Variants in WNT3 observed in about 807,000 individuals in gnomAD.
The protein encoded by WNT3 is proto-oncogene Wnt-3.
A neutral mutation model predicts 34.2 loss-of-function variants in WNT3; 7 were observed. The observed-to-expected ratio is 0.20, with a 90% CI of 0.12 to 0.38. WNT3 has a LOEUF of 0.38. WNT3 is among the 10% of genes least tolerant of loss of function. The pLI is 1.00. For missense variants in WNT3, 267 were observed against 499.8 expected, an observed-to-expected ratio of 0.53 and a Z score of 4.44; for synonymous variants, 212 against 211.5, an observed-to-expected ratio of 1.00 and a Z score of -0.02.
rs143555776 is a variant in WNT3, at chr17:46,812,468, C to T, written c.80+6050G>A. ...CAACTTCTGCTCAGGCTGCTCTGGGCGGCCCTGGTGCCACTCCCCCTGGGA... is the reference window on the plus strand; with the variant it reads ...CAACTTCTGCTCAGGCTGCTCTGGGTGGCCCTGGTGCCACTCCCCCTGGGA... On this transcript the variant is annotated intron_variant, in intron 1 of 4. Coordinates refer to ENST00000225512, the MANE Select transcript of WNT3 (RefSeq NM_030753.5). Among the ~76,000 whole-genome samples the T allele has an allele frequency of 2.4e-4, 37 of 152,320 alleles. 1 individual carries two copies. The East Asian group carries it at 6.7e-3, about 28-fold the overall frequency.
At chr17:46,810,464 G>T (rs1254051925) in intron 1 of WNT3, among the ~76,000 whole-genome samples, 3 of 152,182 alleles carry the variant, frequency 2.0e-5, no homozygotes, top group South Asian at 2.1e-4. Context: ...GAGGCCTCAG[G>T]TCTGAGGCCA....
At chr17:46,810,154 C>G (rs2084254808) in intron 1 of WNT3, among the ~76,000 whole-genome samples, 1 of 151,824 alleles carries the variant, frequency 6.6e-6, no homozygotes, top group South Asian at 2.1e-4. Flanking sequence ...TTACAGGCTC[C>G]CACCACCACG....
intron 1 of WNT3, among the ~76,000 whole-genome samples, 195 bp from the exon 2 acceptor site, chr17:46,774,104 C>T (rs1351235274): frequency 1.3e-5 from 2 of 152,248 alleles, no homozygotes; most frequent in African/African-American, 2.4e-5. Context: ...CGCAAGTCAG[C>T]CCTCTGGCTG....
In WNT3 at chr17:46,768,335, C is replaced by T; in HGVS notation, c.1053G>A (p.Val351=). ...SCQECIRIYD[V]HTCK ...ACCTGGTGCCCTACTTGCAGGTGTG[C>T]ACGTCGTAGATGCGAATACACTCCT... Residue 351 remains valine (V), a synonymous_variant, in exon 4 of 5, where the codon GTG becomes GTA. Coordinates refer to ENST00000225512, the MANE Select transcript of WNT3 (RefSeq NM_030753.5). The surrounding 1 kb of genome is among the most constrained non-coding windows in gnomAD (Gnocchi z 5.0). 4.3e-6 allele frequency: 7 copies of T among 1,613,706 alleles called. No individual in the cohort carries two copies. The highest frequency in any genetic ancestry group is 4.2e-6 in the Non-Finnish European group (5 of 1,180,046).
chr17:46,766,168 AG>A (rs934911465), intron 4 of WNT3, among the ~76,000 whole-genome samples: 14 of 152,232 alleles, frequency 9.2e-5, no homozygotes, highest in African/African-American at 3.4e-4. Flanking sequence ...CAGCACTTTG[AG>A]GGGCCAAGAC....
At chr17:46,780,204 C>T (rs2059448858) in intron 1 of WNT3, among the ~76,000 whole-genome samples, 1 of 152,210 alleles carries the variant, frequency 6.6e-6, no homozygotes, top group African/African-American at 2.4e-5. Flanking sequence ...GGTTGTTGGC[C>T]TCAGATGCTG....
At chr17:46,812,230 G>T (rs892062872) in intron 1 of WNT3, among the ~76,000 whole-genome samples, 1 of 152,186 alleles carries the variant, frequency 6.6e-6, no homozygotes, top group African/African-American at 2.4e-5. Context: ...GGATAAAGAA[G>T]GACCCTGCTT....
At chr17:46,773,616 T>TGGGGGGGGGGGGGGGGGGGG in intron 2 of WNT3, 52 bp downstream of exon 2, 1 of 997,786 alleles carries the variant, frequency 1.0e-6, no homozygotes, top group Non-Finnish European at 1.5e-6. Flanking sequence ...CATACAGTCC[T>TGGGGGGGGGGGGGGGGGGGG]GATCCCTCCC....
intron 1 of WNT3, among the ~76,000 whole-genome samples, chr17:46,805,565 AC>A (rs1300899610): frequency 1.5e-4 from 23 of 151,946 alleles, no homozygotes; most frequent in African/African-American, 5.3e-4. Context: ...AAGAGTGAAA[AC>A]TCTGTCTCAA....
chr17:46,795,880 T>TCACA (rs774284699), intron 1 of WNT3, among the ~76,000 whole-genome samples: 1 of 151,834 alleles, frequency 6.6e-6, no homozygotes, highest in African/African-American at 2.4e-5. Context: ...CCTCTCTCTC[T>TCACA]CACACACACA....
At chr17:46,773,529 G>T in intron 2 of WNT3, 139 bp downstream of exon 2, 2 of 989,524 alleles carry the variant, frequency 2.0e-6, no homozygotes, top group Non-Finnish European at 1.5e-6. Flanking sequence ...AGGTGTGGCA[G>T]TCATGCAACC....
At chr17:46,808,967 TGGG>T (rs1363242612) in intron 1 of WNT3, among the ~76,000 whole-genome samples, 2 of 152,068 alleles carry the variant, frequency 1.3e-5, no homozygotes, top group African/African-American at 4.8e-5. Context: ...CTGAGCCAAG[TGGG>T]GTCCGAGCTG....
intron 1 of WNT3, among the ~76,000 whole-genome samples, chr17:46,790,017 C>A (rs2083961304): frequency 6.6e-6 from 1 of 152,130 alleles, no homozygotes; most frequent in Admixed American, 6.5e-5. Context: ...GGACTTCCCC[C>A]ACTCTATTTA....
At chr17:46,775,874 A>G (rs2059408596) in intron 1 of WNT3, among the ~76,000 whole-genome samples, 1 of 151,938 alleles carries the variant, frequency 6.6e-6, no homozygotes, top group Non-Finnish European at 1.5e-5. Context: ...CGGCCTCCCA[A>G]AGTGCTGGGA....
intron 1 of WNT3, 56 bp from the exon 2 acceptor site, chr17:46,773,965 G>A (rs150458234): frequency 1.9e-4 from 295 of 1,584,838 alleles, no homozygotes; most frequent in Non-Finnish European, 2.4e-4. Context: ...AGCCCATCCT[G>A]GGCACCATGG....
Position 46,770,032 on chromosome 17 carries a change from G to A in WNT3, c.339C>T (p.Ala113=), listed in dbSNP as rs1367326651. The change falls in exon 3 of 5, where the codon GCC becomes GCT. Residue 113 remains alanine, a synonymous_variant. Coordinates refer to ENST00000225512, the MANE Select transcript of WNT3 (RefSeq NM_030753.5). ...PVLDKATRES[A]FVHAIASAGV... ...CGGCCGAGGCGATGGCGTGAACGAA[G>A]GCCGACTCGCGGGTGGCTGCGGGGA... The A allele has an allele frequency of 1.3e-6, 2 of 1,560,940 alleles. No individual in the cohort carries two copies. Among genetic ancestry groups the A allele is most frequent in the East Asian group, 2.4e-5 (1 of 42,200 alleles).
intron 1 of WNT3, among the ~76,000 whole-genome samples, chr17:46,813,266 G>T (rs2146467983): frequency 6.6e-6 from 1 of 151,940 alleles, no homozygotes; most frequent in African/African-American, 2.4e-5. Context: ...CCTCCATGTG[G>T]TTAAGGAAAA....
At chr17:46,793,076 C>G (rs2084007307) in intron 1 of WNT3, among the ~76,000 whole-genome samples, 1 of 147,090 alleles carries the variant, frequency 6.8e-6, no homozygotes, top group Non-Finnish European at 1.5e-5. Context: ...ACTAGCCTAG[C>G]CGAGAAAGCA....
At chr17:46,770,551 A>T (rs2059355436) in intron 2 of WNT3, among the ~76,000 whole-genome samples, 1 of 151,950 alleles carries the variant, frequency 6.6e-6, no homozygotes, top group Admixed American at 6.5e-5. Context: ...ATGCATAGGG[A>T]CGGCCCCTCT....
Sources: gnomAD v4.1 joint callset for allele counts (sites outside exome capture counted in the v4.1 genomes callset) on GRCh38, gnomAD v4.1.1 for gene constraint, Gnocchi (gnomAD v3.1) non-coding constraint, MANE v1.5 for transcripts, NCBI Gene and HGNC (gene_info 2026-07-23, HGNC 2026-07-21) for gene names.